ZBTB25: variants seen among roughly 807,000 people sequenced by gnomAD.
ZBTB25 encodes the protein zinc finger and BTB domain-containing protein 25.
A neutral mutation model predicts 34.2 loss-of-function variants in ZBTB25; 20 were observed. The observed-to-expected ratio is 0.58, with a 90% CI of 0.41 to 0.85. ZBTB25 has a LOEUF of 0.85. Ranked by LOEUF, ZBTB25 falls within the 40% of genes least tolerant of loss-of-function variation. The pLI is 0.00. For synonymous variants in ZBTB25, 175 were observed against 186.4 expected, an observed-to-expected ratio of 0.94 and a Z score of 0.50; for missense variants, 437 against 521.8, an observed-to-expected ratio of 0.84 and a Z score of 1.58.
chr14:64,465,410 C>A, intron 2 of ZBTB25: 1 of 151,930 alleles, frequency 6.6e-6, no homozygotes, highest in South Asian at 2.0e-4. Context: ...CGCCCCGCCC[C>A]TGCCCGCCCG....
chr14:64,455,585 C>A (rs1320468941), intron 2 of ZBTB25, among the ~76,000 whole-genome samples: 1 of 152,138 alleles, frequency 6.6e-6, no homozygotes, highest in Non-Finnish European at 1.5e-5. Context: ...TGCCCTGTAT[C>A]CTGTATCTAC....
At chr14:64,491,222 T>C (rs1178001984) in intron 1 of ZBTB25, among the ~76,000 whole-genome samples, 2 of 152,204 alleles carry the variant, frequency 1.3e-5, no homozygotes, top group African/African-American at 4.8e-5. Context: ...TCCCAGCACC[T>C]TGGGAGGATG....
intron 1 of ZBTB25, among the ~76,000 whole-genome samples, chr14:64,497,607 TAA>T (rs1256053641): frequency 6.6e-6 from 1 of 152,222 alleles, no homozygotes; most frequent in Non-Finnish European, 1.5e-5. Flanking sequence ...CATTGATATT[TAA>T]GAGATTACAA....
rs1271900761 is a variant in ZBTB25 at position 64,485,359 on chromosome 14, G to C, written c.*1564C>G. 1 of 985,248 alleles carries C rather than the reference G, an allele frequency of 1.0e-6. No individual in the cohort carries two copies. The highest frequency in any genetic ancestry group is 1.2e-6 in the Non-Finnish European group (1 of 829,906). The allele number at this position is 985,248 out of a possible 1,614,324, so 61.0% of individuals were successfully genotyped here. On this transcript the variant is annotated 3_prime_UTR_variant, in exon 3 of 3. Coordinates refer to ENST00000608382, the MANE Select transcript of ZBTB25 (RefSeq NM_006977.5). ...GCCCGTGAAGCTTAGAATTTAACAA[G>C]AGGGCAAAAAAAGATGAGTCTGTTT...
upstream of ZBTB25, among the ~76,000 whole-genome samples, chr14:64,504,306 C>T (rs2079598789): frequency 1.3e-5 from 2 of 152,080 alleles, no homozygotes; most frequent in South Asian, 2.1e-4. Flanking sequence ...CGGGGCAGGG[C>T]GAGGTTGCCG....
chr14:64,465,703 A>ACTGGATACGGGGTATCCGAGCCCT (rs2078605825), intron 2 of ZBTB25: 7 of 152,270 alleles, frequency 4.6e-5, no homozygotes, highest in South Asian at 4.1e-4. Flanking sequence ...AGAGGTGCCC[A>ACTGGATACGGGGTATCCGAGCCCT]CTGGATACGG....
In ZBTB25 at chr14:64,487,236, G is replaced by T. The variant is rs749840872; in HGVS notation, c.995C>A (p.Thr332Lys). ...ATTACAGTTTAATTCTACTGGCTCT[G>T]TGTCTTTGGAGATCAAAGATACTTG... ...ISQVSLISKD[T>K]EPVELNCNFS... Residue 332 changes from threonine (T) to lysine (K), a missense_variant, in exon 3 of 3, where the codon ACA (threonine) becomes AAA (lysine). Thr to Lys is a moderately conservative substitution (Grantham distance 78). Transcript: ENST00000608382. 54 of 1,613,954 alleles carry T rather than the reference G, an allele frequency of 3.3e-5. No homozygotes were observed. Among genetic ancestry groups the T allele is most frequent in the Non-Finnish European group, 4.1e-5 (48 of 1,180,054 alleles).
Position 64,486,354 on chromosome 14 carries a change from G to A in ZBTB25, c.*569C>T, listed in dbSNP as rs2078862796. On this transcript the variant is annotated 3_prime_UTR_variant, in exon 3 of 3. Coordinates refer to ENST00000608382, the MANE Select transcript of ZBTB25 (RefSeq NM_006977.5). ...TAAAAAGTAAAGAGAAGCCATGTAGGTAAGATGTTGTGGAGCTAGTAGTTA... is the reference window on the plus strand; with the variant it reads ...TAAAAAGTAAAGAGAAGCCATGTAGATAAGATGTTGTGGAGCTAGTAGTTA... 1.0e-6 allele frequency: 1 copy of A among 985,174 alleles called. No individual in the cohort carries two copies. The highest frequency in any genetic ancestry group is 6.2e-5 in the Admixed American group (1 of 16,244). The allele number at this position is 985,174 out of a possible 1,614,324, so 61.0% of individuals were successfully genotyped here.
At chr14:64,474,681 A>T (rs1330702596), downstream of ZBTB25, among the ~76,000 whole-genome samples, 2 of 152,264 alleles carry the variant, frequency 1.3e-5, no homozygotes, top group African/African-American at 2.4e-5. Flanking sequence ...CAAGACAAAT[A>T]TAAACACCTA....
At chr14:64,472,617 A>G (rs1300796936) in intron 2 of ZBTB25, 3 of 167,014 alleles carry the variant, frequency 1.8e-5, no homozygotes, top group African/African-American at 7.2e-5. Context: ...TGTTGAATTA[A>G]GTAGGATTTC....
chr14:64,503,298 C>G, intron 1 of ZBTB25: 2 of 985,364 alleles, frequency 2.0e-6, no homozygotes, highest in Non-Finnish European at 2.4e-6. Flanking sequence ...TAAGAGGGGT[C>G]GGCGCTACCC....
At chr14:64,501,862 C>A (rs889590617) in intron 1 of ZBTB25, among the ~76,000 whole-genome samples, 2 of 152,226 alleles carry the variant, frequency 1.3e-5, no homozygotes, top group Non-Finnish European at 2.9e-5. Flanking sequence ...GCATAGAGGG[C>A]AGCTGAAAGT....
rs2141011230 is a variant in ZBTB25, at chr14:64,478,365, G to A, written c.*8558C>T. On this transcript the variant is annotated 3_prime_UTR_variant, in exon 3 of 3. Coordinates refer to ENST00000608382, the MANE Select transcript of ZBTB25 (RefSeq NM_006977.5). ...ATGGAATGGGTTGGAAAGTATGAGA[G>A]AAGAAAGTCAGTTGTTGAACCACAG... The A allele has an allele frequency of 6.6e-6, 1 of 152,352 alleles. No homozygotes were observed. The highest frequency in any genetic ancestry group is 2.4e-5 in the African/African-American group (1 of 41,586). 9.4% of individuals were successfully genotyped at this position (152,352 alleles called of 1,614,324 possible). A position where few individuals can be genotyped will look rare whatever the true frequency, so the allele number is the denominator to read the frequency against.
At chr14:64,490,239 A>AAAT in intron 2 of ZBTB25, 122 bp downstream of exon 2, 1 of 392,024 alleles carries the variant, frequency 2.6e-6, no homozygotes, top group Non-Finnish European at 4.0e-6. Flanking sequence ...AAAAAAAAAA[A>AAAT]AAAAATTATA....
At chr14:64,469,894 T>G (rs565054078) in intron 2 of ZBTB25, 1 of 439,454 alleles carries the variant, frequency 2.3e-6, no homozygotes, top group South Asian at 4.9e-5. Context: ...CAGCACAGAT[T>G]GCAGTGTAAA....
chr14:64,455,308 A>C (rs769102023), intron 2 of ZBTB25: 35 of 168,304 alleles, frequency 2.1e-4, no homozygotes, highest in Non-Finnish European at 3.5e-4. Flanking sequence ...TCTGAAATTC[A>C]GGGGGTTCAT....
At chr14:64,492,337 G>A (rs1301519124) in intron 1 of ZBTB25, among the ~76,000 whole-genome samples, 2 of 151,840 alleles carry the variant, frequency 1.3e-5, no homozygotes, top group East Asian at 1.9e-4. Context: ...CTCCCAAGTA[G>A]CTGGCATTAC....
rs374480791 is a variant in ZBTB25, at chr14:64,503,655, G to C, written c.-8+6C>G. 2.0e-6 allele frequency: 2 copies of C among 977,876 alleles called. No individual in the cohort carries two copies. Among genetic ancestry groups the C allele is most frequent in the Non-Finnish European group, 2.4e-6 (2 of 823,136 alleles). 60.6% of individuals were successfully genotyped at this position (977,876 alleles called of 1,614,324 possible). A position where few individuals can be genotyped will look rare whatever the true frequency, so the allele number is the denominator to read the frequency against. On this transcript the variant is annotated splice_donor_region_variant and intron_variant, in intron 1 of 2. Transcript: ENST00000608382. The stretch of plus-strand genomic sequence containing the variant: ...CAGCCCACAGGGGCAGGACCGCGTC[G>C]CTTACCCAGATGCCGCCGCGGCGGC...
At chr14:64,502,049 A>C (rs1160744863) in intron 1 of ZBTB25, among the ~76,000 whole-genome samples, 1 of 152,244 alleles carries the variant, frequency 6.6e-6, no homozygotes, top group African/African-American at 2.4e-5. Context: ...ACCACAGCCC[A>C]GGTAATGAGC....
Sources: allele counts gnomAD v4.1 joint callset (sites outside exome capture counted in the v4.1 genomes callset), GRCh38; gene constraint gnomAD v4.1.1; transcripts MANE v1.5; gene names NCBI Gene and HGNC (gene_info 2026-07-23, HGNC 2026-07-21).